RAB33A: variants seen among roughly 807,000 people sequenced by gnomAD.
RAB33A encodes the protein ras-related protein Rab-33A.
A neutral mutation model predicts 12.0 loss-of-function variants in RAB33A; 6 were observed. The ratio of observed to expected loss-of-function variants is 0.50; its 90% CI spans 0.27 to 0.99. RAB33A has a LOEUF of 0.99. RAB33A is among the 50% of genes least tolerant of loss of function. RAB33A has a pLI of 0.11. For synonymous variants in RAB33A, 70 were observed against 82.4 expected, an observed-to-expected ratio of 0.85 and a Z score of 0.81; for missense variants, 109 against 192.0, an observed-to-expected ratio of 0.57 and a Z score of 2.55.
chrX:130,125,011 T>C, the RAB33A span, among the ~76,000 whole-genome samples: 6 of 111,876 alleles, frequency 5.4e-5, no homozygotes, highest in Non-Finnish European at 5.6e-5. Flanking sequence ...AATCTTCATG[T>C]TTTTGTCTGT....
the RAB33A span, chrX:130,156,488 G>A: frequency 8.3e-7 from 1 of 1,211,547 alleles, no homozygotes; most frequent in Non-Finnish European, 1.1e-6. Flanking sequence ...CTGTTGATAA[G>A]CCCACAATAA....
At chrX:130,159,830 T>C in the RAB33A span, among the ~76,000 whole-genome samples, 1 of 106,737 alleles carries the variant, frequency 9.4e-6, no homozygotes, top group Non-Finnish European at 1.9e-5. Flanking sequence ...TAAATGGACT[T>C]TTTTTTTTTG....
At chrX:130,129,112 A>G in the RAB33A span, among the ~76,000 whole-genome samples, 7 of 111,598 alleles carry the variant, frequency 6.3e-5, no homozygotes, top group African/African-American at 2.3e-4. Flanking sequence ...GAAAGTCTTC[A>G]GAGATAGTGA....
At chrX:130,150,977 C>CAAAAAAAA in the RAB33A span, among the ~76,000 whole-genome samples, 9 of 27,797 alleles carry the variant, frequency 3.2e-4, no homozygotes, top group African/African-American at 5.3e-4. Flanking sequence ...GACTCTGTCT[C>CAAAAAAAA]AAAAAAAAAA....
the RAB33A span, chrX:130,133,502 A>G: frequency 3.4e-6 from 4 of 1,167,970 alleles, no homozygotes; most frequent in Non-Finnish European, 1.2e-6. Flanking sequence ...AAAAAAAAAA[A>G]GCAAGTTAAA....
chrX:130,122,572 G>C, the RAB33A span, among the ~76,000 whole-genome samples: 1 of 112,324 alleles, frequency 8.9e-6, no homozygotes, highest in African/African-American at 3.2e-5. Context: ...GGAGCAAGGG[G>C]GGGTGGGAGG....
chrX:130,143,918 G>C, the RAB33A span, among the ~76,000 whole-genome samples: 1 of 111,419 alleles, frequency 9.0e-6, no homozygotes, highest in Non-Finnish European at 1.9e-5. Flanking sequence ...GAATAGCTGG[G>C]TTCCAATTCT....
chrX:130,143,696 C>CAA, the RAB33A span, among the ~76,000 whole-genome samples: 1,390 of 99,816 alleles, frequency 0.014, 25 homozygotes, highest in African/African-American at 0.046. Context: ...ACTAAAAAGA[C>CAA]AAAAAAAAAA....
chrX:130,162,267 G>GT, the RAB33A span, among the ~76,000 whole-genome samples: 1 of 112,042 alleles, frequency 8.9e-6, no homozygotes, highest in South Asian at 3.7e-4. Flanking sequence ...GCTCAGTTTG[G>GT]TTTTTTAATC....
At chrX:130,165,842 G>A in the RAB33A span, 4 of 486,530 alleles carry the variant, frequency 8.2e-6, no homozygotes, top group Admixed American at 8.4e-5. Flanking sequence ...GAAGGGGAAC[G>A]GCGACCGGAG....
the RAB33A span, among the ~76,000 whole-genome samples, chrX:130,130,321 G>A: frequency 1.2e-4 from 13 of 111,747 alleles, no homozygotes; most frequent in Non-Finnish European, 1.9e-4. Flanking sequence ...GTAAACCCTG[G>A]CCTTCACCAG....
chrX:130,139,807 C>T, the RAB33A span: 5 of 1,210,015 alleles, frequency 4.1e-6, no homozygotes, highest in East Asian at 5.9e-5. Flanking sequence ...TTCTGAAAAG[C>T]GTTGTTCTAC....
chrX:130,184,182 C>T, intron 1 of RAB33A, 103 bp from the exon 2 acceptor site: 1 of 800,709 alleles, frequency 1.2e-6, no homozygotes, highest in Non-Finnish European at 1.8e-6. Context: ...AGCCACCGCA[C>T]CCGTCCTGTC....
the RAB33A span, among the ~76,000 whole-genome samples, chrX:130,123,833 TCAG>T: frequency 9.1e-6 from 1 of 110,338 alleles, no homozygotes; most frequent in Non-Finnish European, 1.9e-5. Flanking sequence ...GAAAGGAATG[TCAG>T]CACCATCCTC....
At chrX:130,136,586 G>A in the RAB33A span, 1 of 1,036,354 alleles carries the variant, frequency 9.6e-7, no homozygotes. Flanking sequence ...GTAAAAATGA[G>A]GCAAGGGGAG....
chrX:130,156,083 A>G, the RAB33A span, among the ~76,000 whole-genome samples: 1 of 111,904 alleles, frequency 8.9e-6, no homozygotes, highest in South Asian at 3.7e-4. Context: ...AATGTCTGAC[A>G]AATAGGTCAA....
At chrX:130,156,518 G>T in the RAB33A span, 1 of 1,211,380 alleles carries the variant, frequency 8.3e-7, no homozygotes, top group Non-Finnish European at 1.1e-6. Context: ...CAGAATTATC[G>T]ATTTTGCCCC....
chrX:130,155,624 A>G, the RAB33A span, among the ~76,000 whole-genome samples: 1 of 112,119 alleles, frequency 8.9e-6, no homozygotes, highest in South Asian at 3.7e-4. Context: ...AGGAACAAAG[A>G]TAAATTCATT....
At chrX:130,177,841 C>T (rs896941945) in intron 1 of RAB33A, among the ~76,000 whole-genome samples, 1 of 111,909 alleles carries the variant, frequency 8.9e-6, no homozygotes, top group African/African-American at 3.2e-5. Context: ...ATCTGGGGTA[C>T]ATGTATGTGG....
Sources: gnomAD v4.1 joint callset for allele counts (sites outside exome capture counted in the v4.1 genomes callset) on GRCh38, gnomAD v4.1.1 for gene constraint, MANE v1.5 for transcripts, NCBI Gene and HGNC (gene_info 2026-07-23, HGNC 2026-07-21) for gene names.